HRNR: variants seen among roughly 807,000 people sequenced by gnomAD.
HRNR encodes the protein filaggrin family member 3.
In HRNR, 7 loss-of-function variants were observed where a neutral mutation model predicts 4.8. The observed-to-expected ratio is 1.47, with a 90% CI of 0.83 to 2.75. HRNR has a LOEUF of 2.75. HRNR is among the 30% of genes most tolerant of loss of function. The pLI, the probability that HRNR is intolerant of heterozygous loss-of-function variation, is 0.00. For missense variants in HRNR, 2,879 were observed against 3,010.4 expected (o/e 0.96, Z 1.02); for synonymous variants, 1,023 against 1,242.7 (o/e 0.82, Z 3.72).
At position 152,219,996 on chromosome 1, in the gene HRNR, G is replaced by A. The variant is rs138964182; in HGVS notation, c.1633C>T (p.Arg545Cys). 136 of 1,613,820 alleles carry A rather than the reference G, an allele frequency of 8.4e-5. No individual in the cohort carries two copies. The African/African-American group carries it at 1.3e-3, about 15-fold the overall frequency. The change falls in exon 3 of 3, where the codon CGT (arginine) becomes TGT (cysteine). Residue 545 changes from arginine to cysteine, a missense_variant. Arg to Cys is a radical substitution (Grantham distance 180, BLOSUM62 -3). Coordinates refer to ENST00000368801, the MANE Select transcript of HRNR (RefSeq NM_001009931.3). ...SGSGQSPSPSRGRHESGSRQS... is the reference protein window; with the variant it reads ...SGSGQSPSPSCGRHESGSRQS... Reference sequence around the variant, plus strand: ...CTGGAACCAGACTCATGTCGGCCACGGCTAGGGCTAGGAGACTGGCCAGAT... The same window carrying A: ...CTGGAACCAGACTCATGTCGGCCACAGCTAGGGCTAGGAGACTGGCCAGAT...
chr1:152,222,179 A>G (rs1258644629), intron 2 of HRNR, among the ~76,000 whole-genome samples: 1 of 152,194 alleles, frequency 6.6e-6, no homozygotes, highest in African/African-American at 2.4e-5. Context: ...TTATATGAAC[A>G]AAGGGCTAGA....
rs572500781 is a variant in HRNR, at chr1:152,218,563, G to A, written c.3066C>T (p.Ser1022=). 2 of 1,613,870 alleles carry A rather than the reference G, an allele frequency of 1.2e-6. No individual in the cohort carries two copies. The highest frequency in any genetic ancestry group is 1.7e-5 in the Admixed American group (1 of 60,016). The part of the protein sequence containing the change: ...GRHGSGSGQS[S]SYGPYRSGSG... ...AGCCAGACCTATATGGGCCATAGCT[G>A]GAAGACTGCCCGGAACCAGACCCAT... The change falls in exon 3 of 3, where the codon TCC becomes TCT. Residue 1022 remains serine (S), a synonymous_variant. Coordinates refer to ENST00000368801, the MANE Select transcript of HRNR (RefSeq NM_001009931.3).
chr1:152,219,529 G>T lies in HRNR; in HGVS notation c.2100C>A (p.Gly700=). The change falls in exon 3 of 3, where the codon GGC becomes GGA. Residue 700 remains glycine, a synonymous_variant. Coordinates refer to ENST00000368801, the MANE Select transcript of HRNR (RefSeq NM_001009931.3). The stretch of plus-strand genomic sequence containing the variant: ...GCCCTGAGCCAGACTTGTGACCAAA[G>T]CCGGAAGACTGGCCTGAGACAGACC... ...PHGSVSGQSS[G]FGHKSGSGQS... The T allele has an allele frequency of 6.2e-7, 1 of 1,613,370 alleles. No individual in the cohort carries two copies. Among genetic ancestry groups the T allele is most frequent in the Non-Finnish European group, 8.5e-7 (1 of 1,179,886 alleles).
Position 152,223,335 on chromosome 1 carries a change from A to G in HRNR, c.-25-57T>C. ...TACTATTCTTATTTCTTGTTTAAAC[A>G]CATAAATAGTTCTAATTATTTATAA... is the stretch of plus-strand genomic sequence containing the variant. On this transcript the variant is annotated intron_variant, in intron 1 of 2. Transcript: ENST00000368801. 7 of 1,008,572 alleles carry G rather than the reference A, an allele frequency of 6.9e-6. No homozygotes were observed. In the South Asian group the frequency reaches 1.1e-4, roughly 15 times the overall value. 62.5% of individuals were successfully genotyped at this position (1,008,572 alleles called of 1,614,324 possible).
chr1:152,222,931 C>T (rs1228926310), intron 2 of HRNR, among the ~76,000 whole-genome samples, 185 bp downstream of exon 2: 4 of 152,138 alleles, frequency 2.6e-5, no homozygotes, highest in East Asian at 1.9e-4. Flanking sequence ...AGGTCACTTC[C>T]GTTAGTTATG....
Position 152,219,090 on chromosome 1 carries a change from T to G in HRNR, c.2539A>C (p.Thr847Pro), listed in dbSNP as rs751893118. The G allele has an allele frequency of 1.2e-6, 2 of 1,613,262 alleles. No individual in the cohort carries two copies. Among genetic ancestry groups the G allele is most frequent in the Non-Finnish European group, 1.7e-6 (2 of 1,179,872 alleles). ...HFSSQGRHGS[T>P]SGQSSSSGQH... is the part of the protein sequence containing the mutation. ...CCGGAGCTTGATGACTGCCCTGACG[T>G]AGATCCATGTCGTCCCTGGCTAGAG... Residue 847 changes from threonine (T) to proline (P), a missense_variant, in exon 3 of 3, where the codon ACG becomes CCG. This residue lies in a region of HRNR where 2,646 missense variants were observed against 1,377.7 expected (regional missense o/e 1.92). Transcript: ENST00000368801.
At chr1:152,221,562 A>G (rs1242878094) in intron 2 of HRNR, 72 bp from the exon 3 acceptor site, 2 of 1,155,728 alleles carry the variant, frequency 1.7e-6, no homozygotes, top group Non-Finnish European at 2.5e-6. Flanking sequence ...AACTGAAGGA[A>G]AGATGTGAAA....
chr1:152,218,332 A>G lies in HRNR; in HGVS notation c.3297T>C (p.Ser1099=), dbSNP rs1455327527. Residue 1099 remains serine (S), a synonymous_variant, in exon 3 of 3, where the codon TCT becomes TCC. Transcript: ENST00000368801. The part of the protein sequence containing the change: ...CGQHGASSGQ[S]SSHGQHGSGS... ...CAGAGCCATGCTGACCGTGGCTGGA[A>G]GACTGACCTGAGCTAGCTCCATGTT... 3 of 1,610,318 alleles carry G rather than the reference A, an allele frequency of 1.9e-6. No homozygotes were observed. Among genetic ancestry groups the G allele is most frequent in the Admixed American group, 1.7e-5 (1 of 59,798 alleles).
Position 152,219,670 on chromosome 1 carries a change from G to T in HRNR, c.1959C>A (p.Gly653=), listed in dbSNP as rs148441476. The T allele has an allele frequency of 2.1e-4, 338 of 1,612,894 alleles. No individual in the cohort carries two copies. In the East Asian group the frequency reaches 6.9e-3, roughly 33 times the overall value. Residue 653 remains glycine (G), a synonymous_variant, in exon 3 of 3, where the codon GGC becomes GGA. Transcript: ENST00000368801. ...SSQSSRYGQQ[G]SGSGQSPSRG... is the part of the protein sequence containing the mutation. ...GACTAGGAGACTGGCCAGATCCAGA[G>T]CCCTGTTGGCCATAGCGAGAAGACT... is the stretch of plus-strand genomic sequence containing the variant.
chr1:152,223,120 A>G lies in HRNR; in HGVS notation c.134T>C (p.Leu45Pro). ...ATCCTGGCGTGGAGTTCTTACCTTCAGAATTTGATGAAACTCATTTTCCAG... is the reference window on the plus strand; with the variant it reads ...ATCCTGGCGTGGAGTTCTTACCTTCGGAATTTGATGAAACTCATTTTCCAG... Reference protein sequence around the residue: ...ELLENEFHQILKNPNDPDTVD... With the variant: ...ELLENEFHQIPKNPNDPDTVD... The change falls in exon 2 of 3, where the codon CTG becomes CCG. Residue 45 changes from leucine to proline, a missense_variant. Physicochemically the swap from Leu to Pro is moderately conservative, Grantham distance 98 (BLOSUM62 -3). Transcript: ENST00000368801. The G allele has an allele frequency of 6.2e-7, 1 of 1,613,684 alleles. No homozygotes were observed. The highest frequency in any genetic ancestry group is 8.5e-7 in the Non-Finnish European group (1 of 1,179,768).
In HRNR at chr1:152,220,131, G is replaced by C. The variant is rs150484484; in HGVS notation, c.1498C>G (p.Gln500Glu). The C allele has an allele frequency of 1.4e-4, 220 of 1,613,292 alleles. 1 individual carries two copies. The highest frequency in any genetic ancestry group is 1.6e-4 in the Non-Finnish European group (188 of 1,179,536). Residue 500 changes from glutamine to glutamate, a missense_variant, in exon 3 of 3, where the codon CAG (glutamine) becomes GAG (glutamate). Around this residue, in one of 8 missense-constraint regions of HRNR, gnomAD observed 2,646 missense variants for 1,377.7 expected, o/e 1.92. Transcript: ENST00000368801. ...CCTTGTCGTTCACCCCTAGATGACT[G>C]TCCTGACCTAGAGCCGTGTTGTCCG... ...GHGQHGSRSG[Q>E]SSRGERQGSS...
In HRNR at chr1:152,218,444, C is replaced by T. The variant is rs555130311; in HGVS notation, c.3185G>A (p.Gly1062Asp). ...HRESRSGQSS[G>D]YGQHGSSSGH... ...TGAGCTAGATCCATGTTGACCGTAG[C>T]CAGAGGACTGTCCTGAGCGAGACTC... is the stretch of plus-strand genomic sequence containing the variant. Residue 1062 changes from glycine to aspartate, a missense_variant, in exon 3 of 3, where the codon GGC (glycine) becomes GAC (aspartate). Physicochemically the swap from Gly to Asp is moderately conservative, Grantham distance 94. This residue lies in a region of HRNR where 2,646 missense variants were observed against 1,377.7 expected (regional missense o/e 1.92). Coordinates refer to ENST00000368801, the MANE Select transcript of HRNR (RefSeq NM_001009931.3). 7.4e-6 allele frequency: 12 copies of T among 1,613,694 alleles called. No homozygotes were observed. The highest frequency in any genetic ancestry group is 3.3e-5 in the South Asian group (3 of 91,054).
Position 152,219,459 on chromosome 1 carries a change from A to T in HRNR, c.2170T>A (p.Ser724Thr), listed in dbSNP as rs752664300. The T allele has an allele frequency of 9.7e-5, 157 of 1,613,888 alleles. No homozygotes were observed. The highest frequency in any genetic ancestry group is 1.3e-4 in the Non-Finnish European group (154 of 1,180,026). ...CTAGAGCCGTGTTTTCTGTAGCCGG[A>T]GGAGTGACTTGAGCCAGATCCATGC... is the stretch of plus-strand genomic sequence containing the variant. ...SQHGSGSSHS[S>T]GYRKHGSRSG... Residue 724 changes from serine (S) to threonine (T), a missense_variant, in exon 3 of 3, where the codon TCC becomes ACC. Ser to Thr is a moderately conservative substitution (Grantham distance 58, BLOSUM62 1). Transcript: ENST00000368801.
rs766946459 is a variant in HRNR at position 152,219,456 on chromosome 1, CGGA to C, written c.2170_2172del (p.Ser724del). 1.9e-6 allele frequency: 3 copies of C among 1,613,504 alleles called. No homozygotes were observed. Among genetic ancestry groups the C allele is most frequent in the Non-Finnish European group, 2.5e-6 (3 of 1,179,900 alleles). ...GACCTAGAGCCGTGTTTTCTGTAGCCGGAGGAGTGACTTGAGCCAGATCCATGC... is the reference window on the plus strand; with the variant it reads ...GACCTAGAGCCGTGTTTTCTGTAGCCGGAGTGACTTGAGCCAGATCCATGC... On this transcript the variant is annotated inframe_deletion, in exon 3 of 3. Coordinates refer to ENST00000368801, the MANE Select transcript of HRNR (RefSeq NM_001009931.3).
In HRNR at chr1:152,213,525, C is replaced by G; in HGVS notation, c.8104G>C (p.Gly2702Arg). Residue 2702 changes from glycine (G) to arginine (R), a missense_variant, in exon 3 of 3, where the codon GGA (glycine) becomes CGA (arginine). By Grantham distance (125) the Gly-to-Arg change is moderately radical (BLOSUM62 -2). Transcript: ENST00000368801. ...TGCTGACTGTAAGCAGAGGAATGTC[C>G]TGAGCCAGACTCATGTTGACCAAAG... ...SVFGQHESGS[G>R]HSSAYSQHGS... is the part of the protein sequence containing the mutation. 3.0e-6 allele frequency: 4 copies of G among 1,349,480 alleles called. No individual in the cohort carries two copies. The highest frequency in any genetic ancestry group is 4.1e-6 in the Non-Finnish European group (4 of 971,494). 83.6% of individuals were successfully genotyped at this position (1,349,480 alleles called of 1,614,324 possible).
Position 152,219,232 on chromosome 1 carries a change from AC to A in HRNR, c.2396del (p.Ser799IlefsTer252), listed in dbSNP as rs971526648. 7 of 1,612,922 alleles carry A rather than the reference AC, an allele frequency of 4.3e-6. No individual in the cohort carries two copies. In the African/African-American group the frequency reaches 9.4e-5, roughly 22 times the overall value. On this transcript the variant is annotated frameshift_variant, in exon 3 of 3. Coordinates refer to ENST00000368801, the MANE Select transcript of HRNR (RefSeq NM_001009931.3). LOFTEE classifies it low-confidence loss of function (END_TRUNC). ...SSHGQHGSGT[S>X]CSSSCGHYES... ...CATAATGGCCACAGCTGGAAGAACA[AC>A]TTGTGCCAGACCCGTGTTGGCCGTG...
rs1173949912 is a variant in HRNR at position 152,220,011 on chromosome 1, A to G, written c.1618T>C (p.Ser540Pro). Residue 540 changes from serine (S) to proline (P), a missense_variant, in exon 3 of 3, where the codon TCT becomes CCT. Coordinates refer to ENST00000368801, the MANE Select transcript of HRNR (RefSeq NM_001009931.3). ...TGTCGGCCACGGCTAGGGCTAGGAGACTGGCCAGATCCAGACCCATGTCGG... is the reference window on the plus strand; with the variant it reads ...TGTCGGCCACGGCTAGGGCTAGGAGGCTGGCCAGATCCAGACCCATGTCGG... ...HSRHGSGSGQSPSPSRGRHES... is the reference protein window; with the variant it reads ...HSRHGSGSGQPPSPSRGRHES... 6.2e-7 allele frequency: 1 copy of G among 1,613,806 alleles called. No individual in the cohort carries two copies. The highest frequency in any genetic ancestry group is 2.2e-5 in the East Asian group (1 of 44,864).
At position 152,213,265 on chromosome 1, in the gene HRNR, A is replaced by G. The variant is rs1648459643; in HGVS notation, c.8364T>C (p.His2788=). 6.2e-7 allele frequency: 1 copy of G among 1,603,242 alleles called. No homozygotes were observed. Among genetic ancestry groups the G allele is most frequent in the Non-Finnish European group, 8.5e-7 (1 of 1,173,028 alleles). The change falls in exon 3 of 3, where the codon CAT becomes CAC. Residue 2788 remains histidine, a synonymous_variant. Coordinates refer to ENST00000368801, the MANE Select transcript of HRNR (RefSeq NM_001009931.3). ...CAGAGGACTGTCCTGAGCCAGACCCATGTTGGCCGTAGCTGGAAGACTGCC... is the reference window on the plus strand; with the variant it reads ...CAGAGGACTGTCCTGAGCCAGACCCGTGTTGGCCGTAGCTGGAAGACTGCC... The part of the protein sequence containing the change: ...GSGQSSSYGQ[H]GSGSGQSSGY...
intron 1 of HRNR, among the ~76,000 whole-genome samples, 188 bp downstream of exon 1, chr1:152,223,955 A>G (rs1649086696): frequency 6.6e-6 from 1 of 152,208 alleles, no homozygotes; most frequent in South Asian, 2.1e-4. Context: ...CAAAGAAAGG[A>G]GATAATATAC....
Sources: allele counts gnomAD v4.1 joint callset (sites outside exome capture counted in the v4.1 genomes callset), GRCh38; gene constraint gnomAD v4.1.1; regional missense constraint gnomAD v4.1.1; transcripts MANE v1.5; gene names NCBI Gene and HGNC (gene_info 2026-07-23, HGNC 2026-07-21).